REPS1: variants seen among roughly 807,000 people sequenced by gnomAD.
REPS1 encodes the protein RALBP1 associated Eps domain containing 1.
Under a neutral mutation model 100.9 loss-of-function variants are expected in REPS1, and 39 were observed. The ratio of observed to expected loss-of-function variants is 0.39; its 90% CI spans 0.30 to 0.50. REPS1 has a LOEUF of 0.50. REPS1 is among the 20% of genes least tolerant of loss of function. The probability of loss-of-function intolerance (pLI) is 0.86; values close to 1 mark genes in which losing one functional copy is unlikely to be tolerated. For missense variants in REPS1, 821 were observed against 968.5 expected (o/e 0.85, Z 2.02); for synonymous variants, 324 against 340.3 (o/e 0.95, Z 0.53).
At chr6:138,945,181 C>A (rs527559929) in intron 4 of REPS1, 38 bp downstream of exon 4, 5 of 1,540,970 alleles carry the variant, frequency 3.2e-6, no homozygotes, top group East Asian at 4.7e-5. Context: ...CCAGCCTGGG[C>A]AACACAATGA....
At chr6:138,967,158 A>C (rs1242224444) in intron 1 of REPS1, among the ~76,000 whole-genome samples, 1 of 152,254 alleles carries the variant, frequency 6.6e-6, no homozygotes, top group Non-Finnish European at 1.5e-5. Context: ...TCATGGGATA[A>C]TACAACAAGA....
intron 1 of REPS1, among the ~76,000 whole-genome samples, chr6:138,964,184 A>G (rs1783889923): frequency 6.6e-6 from 1 of 151,248 alleles, no homozygotes; most frequent in African/African-American, 2.4e-5. Flanking sequence ...TTATCTTAAC[A>G]CTTATGTAAA....
chr6:138,946,904 C>T (rs1448048754), intron 2 of REPS1, among the ~76,000 whole-genome samples: 10 of 152,324 alleles, frequency 6.6e-5, no homozygotes, highest in Non-Finnish European at 1.2e-4. Flanking sequence ...CCACCCAAAT[C>T]TCATCTTGAA....
rs899223731 is a variant in REPS1 at position 138,984,250 on chromosome 6, AT to A, written c.153+3279del. Among the ~76,000 whole-genome samples, 3 of 151,974 alleles carry A rather than the reference AT, an allele frequency of 2.0e-5. 1 individual carries two copies. ...AGGCATGCGCCACCACATGCGGCTA[AT>A]TTTGTATTTTTAGTACAGAAAGGGT... On this transcript the variant is annotated intron_variant, in intron 1 of 19. Coordinates refer to ENST00000450536, the MANE Select transcript of REPS1 (RefSeq NM_001286611.2).
intron 1 of REPS1, among the ~76,000 whole-genome samples, chr6:138,951,916 T>C (rs1457382769): frequency 6.6e-6 from 1 of 152,212 alleles, no homozygotes; most frequent in Non-Finnish European, 1.5e-5. Flanking sequence ...CATATTTGTA[T>C]GCAGTTCACT....
rs970146153 is a variant in REPS1 at position 138,926,338 on chromosome 6, A to G, written c.1338+63T>C. The G allele has an allele frequency of 3.3e-6, 4 of 1,207,900 alleles. No homozygotes were observed. In the African/African-American group the frequency reaches 6.0e-5, roughly 18 times the overall value. The allele number at this position is 1,207,900 out of a possible 1,614,324, so 74.8% of individuals were successfully genotyped here. The stretch of plus-strand genomic sequence containing the variant: ...ATCATGCATATCAGCTAAAAACGAT[A>G]ATGAATGGAAATTTGGGTTAATAAA... On this transcript the variant is annotated intron_variant, in intron 10 of 19. Coordinates refer to ENST00000450536, the MANE Select transcript of REPS1 (RefSeq NM_001286611.2).
chr6:138,909,576 C>A (rs1316974796), intron 17 of REPS1, among the ~76,000 whole-genome samples: 1 of 152,108 alleles, frequency 6.6e-6, no homozygotes, highest in Non-Finnish European at 1.5e-5. Flanking sequence ...TTGTAATCCC[C>A]ATGTGTCAAG....
At chr6:138,982,113 TAAAA>T (rs1198788446) in intron 1 of REPS1, among the ~76,000 whole-genome samples, 1 of 152,214 alleles carries the variant, frequency 6.6e-6, no homozygotes, top group Non-Finnish European at 1.5e-5. Flanking sequence ...GATTCAGAAC[TAAAA>T]ACCACTACTC....
At chr6:138,941,147 A>T (rs973354006) in intron 8 of REPS1, among the ~76,000 whole-genome samples, 188 bp downstream of exon 8, 2 of 152,230 alleles carry the variant, frequency 1.3e-5, no homozygotes, top group African/African-American at 4.8e-5. Context: ...CTTTATTTTT[A>T]AAAATAGACT....
chr6:138,941,466 T>C lies in REPS1; in HGVS notation c.1004A>G (p.Asp335Gly). 6.2e-7 allele frequency: 1 copy of C among 1,613,964 alleles called. No individual in the cohort carries two copies. The highest frequency in any genetic ancestry group is 8.5e-7 in the Non-Finnish European group (1 of 1,179,882). Residue 335 changes from aspartate to glycine, a missense_variant, in exon 8 of 20, where the codon GAT (aspartate) becomes GGT (glycine). By Grantham distance (94) the Asp-to-Gly change is moderately conservative (BLOSUM62 -1). Coordinates refer to ENST00000450536, the MANE Select transcript of REPS1 (RefSeq NM_001286611.2). ...AAACTCATCCAGTGTCAATGCACCA[T>C]CTTTATCAAAGTCTGAGAGTTCCCT... Reference protein sequence around the residue: ...HIWELSDFDKDGALTLDEFCA... With the variant: ...HIWELSDFDKGGALTLDEFCA...
chr6:138,936,944 T>C (rs1259675019), intron 8 of REPS1, among the ~76,000 whole-genome samples: 2 of 152,182 alleles, frequency 1.3e-5, no homozygotes, highest in African/African-American at 2.4e-5. Flanking sequence ...CATTTTCACA[T>C]TGCTGACAAA....
chr6:138,979,063 C>T (rs1264409583), intron 1 of REPS1, among the ~76,000 whole-genome samples: 1 of 151,854 alleles, frequency 6.6e-6, no homozygotes, highest in East Asian at 1.9e-4. Flanking sequence ...CACCTGTAAT[C>T]CCAGCAACTC....
chr6:138,976,273 T>C (rs1373902048), intron 1 of REPS1, among the ~76,000 whole-genome samples: 1 of 152,160 alleles, frequency 6.6e-6, no homozygotes, highest in Non-Finnish European at 1.5e-5. Flanking sequence ...GCATAACCCA[T>C]GGACAAAAAG....
intron 2 of REPS1, 28 bp from the exon 3 acceptor site, chr6:138,945,725 C>G: frequency 1.4e-6 from 2 of 1,478,532 alleles, no homozygotes; most frequent in Non-Finnish European, 1.8e-6. Flanking sequence ...ATCATTACTT[C>G]AAAATAAAAA....
At chr6:138,955,053 C>T (rs1158756986) in intron 1 of REPS1, among the ~76,000 whole-genome samples, 1 of 152,034 alleles carries the variant, frequency 6.6e-6, no homozygotes, top group East Asian at 1.9e-4. Flanking sequence ...TTAGGTTTTC[C>T]CAGTGTTCTA....
rs1267080433 is a variant in REPS1, at chr6:138,987,903, G to C, written c.-221C>G. 1 of 408,436 alleles carries C rather than the reference G, an allele frequency of 2.4e-6. No individual in the cohort carries two copies. The highest frequency in any genetic ancestry group is 4.0e-5 in the East Asian group (1 of 24,918). 25.3% of individuals were successfully genotyped at this position (408,436 alleles called of 1,614,324 possible). A position where few individuals can be genotyped will look rare whatever the true frequency, so the allele number is the denominator to read the frequency against. ...CGCCGCGCCGCTGCCTGCGAGGCCC[G>C]GCGCGCGGCTGCGGCTGCGGCTGCG... is the stretch of plus-strand genomic sequence containing the variant. On this transcript the variant is annotated 5_prime_UTR_variant, in exon 1 of 20. Transcript: ENST00000450536.
intron 1 of REPS1, among the ~76,000 whole-genome samples, chr6:138,976,883 C>G (rs1360794900): frequency 6.6e-6 from 1 of 152,176 alleles, no homozygotes; most frequent in African/African-American, 2.4e-5. Flanking sequence ...GCAATCTCCT[C>G]TACACATAAA....
At chr6:138,983,687 G>A (rs935794338) in intron 1 of REPS1, among the ~76,000 whole-genome samples, 3 of 152,054 alleles carry the variant, frequency 2.0e-5, no homozygotes, top group Non-Finnish European at 4.4e-5. Flanking sequence ...AACAAACACC[G>A]AAAACTACTG....
chr6:138,920,136 ATG>A (rs1780653983), intron 12 of REPS1, 77 bp downstream of exon 12: 2 of 780,970 alleles, frequency 2.6e-6, no homozygotes, highest in Non-Finnish European at 4.5e-6. Flanking sequence ...ACGGTATTAA[ATG>A]CATACACATC....
Sources: gnomAD v4.1 joint callset for allele counts (sites outside exome capture counted in the v4.1 genomes callset) on GRCh38, gnomAD v4.1.1 for gene constraint, MANE v1.5 for transcripts, NCBI Gene and HGNC (gene_info 2026-07-23, HGNC 2026-07-21) for gene names.